PDZD2: variants seen among roughly 807,000 people sequenced by gnomAD.
PDZD2 encodes PDZ domain-containing protein 2.
Under a neutral mutation model 220.7 loss-of-function variants are expected in PDZD2, and 90 were observed. That is an observed-to-expected ratio of 0.41 (90% CI 0.34 to 0.49). The LOEUF (loss-of-function observed/expected upper bound fraction) is 0.49. PDZD2 is among the 20% of genes least tolerant of loss of function. PDZD2 has a pLI of 0.28. For synonymous variants in PDZD2, 1,375 were observed against 1,450.5 expected (o/e 0.95, Z 1.18); for missense variants, 3,174 against 3,608.5 (o/e 0.88, Z 3.08).
chr5:31,743,875 C>T (rs1258063841), intron 1 of PDZD2: 1 of 152,176 alleles, frequency 6.6e-6, no homozygotes, highest in African/African-American at 2.4e-5. Flanking sequence ...CAGACAATGA[C>T]TGTGCATTTT....
chr5:31,916,272 C>T (rs1482896547), intron 2 of PDZD2, among the ~76,000 whole-genome samples: 2 of 152,200 alleles, frequency 1.3e-5, no homozygotes, highest in Non-Finnish European at 2.9e-5. Flanking sequence ...TCATCTCCCT[C>T]GGTGTCATTC....
At chr5:31,916,470 T>C (rs2330881) in intron 2 of PDZD2, among the ~76,000 whole-genome samples, 140,677 of 152,368 alleles carry the variant, frequency 0.92, 65,132 homozygotes, top group East Asian at 0.98. Flanking sequence ...TTCATCTTTT[T>C]GTTGCCTCAT....
chr5:31,682,614 C>T (rs1171523509), intron 1 of PDZD2, among the ~76,000 whole-genome samples: 1 of 151,978 alleles, frequency 6.6e-6, no homozygotes, highest in African/African-American at 2.4e-5. Context: ...TTTAATTGAA[C>T]TCTGTTAATT....
At chr5:31,990,124 G>A (rs1751093992) in intron 3 of PDZD2, among the ~76,000 whole-genome samples, 2 of 152,194 alleles carry the variant, frequency 1.3e-5, no homozygotes, top group African/African-American at 4.8e-5. Flanking sequence ...TGCAACTAGC[G>A]CCGGAGTATT....
intron 1 of PDZD2, among the ~76,000 whole-genome samples, chr5:31,714,859 C>A (rs1013213785): frequency 1.3e-5 from 2 of 151,986 alleles, no homozygotes; most frequent in African/African-American, 2.4e-5. Flanking sequence ...GAGATTGAGA[C>A]CATCCTGGTT....
intron 2 of PDZD2, among the ~76,000 whole-genome samples, chr5:31,810,325 C>T (rs566154712): frequency 1.3e-4 from 20 of 149,342 alleles, no homozygotes; most frequent in African/African-American, 4.0e-4. Context: ...TGCAGTGGCG[C>T]GATCTCCGCT....
intron 1 of PDZD2, among the ~76,000 whole-genome samples, chr5:31,677,519 G>A (rs1490239796): frequency 4.3e-5 from 1 of 23,498 alleles, no homozygotes; most frequent in African/African-American, 8.3e-5. Flanking sequence ...GGGAGGCTGA[G>A]GCAGGAGAAT....
At chr5:31,939,181 A>C (rs1026172228) in intron 2 of PDZD2, among the ~76,000 whole-genome samples, 14 of 152,238 alleles carry the variant, frequency 9.2e-5, no homozygotes, top group Non-Finnish European at 1.3e-4. Flanking sequence ...AGGTTGTCAG[A>C]GCTGGGAGGG....
chr5:31,869,251 G>A (rs1580944235), intron 2 of PDZD2, among the ~76,000 whole-genome samples: 1 of 152,188 alleles, frequency 6.6e-6, no homozygotes, highest in African/African-American at 2.4e-5. Context: ...AACCTGTGCT[G>A]TCTGTAGGTA....
rs1488213994 is a variant in PDZD2, at chr5:31,707,334, A to T, written c.-361+67897A>T. Among the ~76,000 whole-genome samples the T allele has an allele frequency of 1.3e-4, 19 of 151,312 alleles. 1 individual carries two copies. The highest frequency in any genetic ancestry group is 1.5e-4 in the Non-Finnish European group (10 of 67,834). On this transcript the variant is annotated intron_variant, in intron 1 of 24. Transcript: ENST00000438447. ...ATTAATTAATTAATTAATTAATTAA[A>T]TAAAAAATAAAAAAGGACTGGTGTC...
At chr5:31,924,272 C>T (rs1744544731) in intron 2 of PDZD2, among the ~76,000 whole-genome samples, 1 of 152,184 alleles carries the variant, frequency 6.6e-6, no homozygotes, top group Admixed American at 6.5e-5. Flanking sequence ...TTCCGCAAGC[C>T]TGCCATTTGG....
chr5:31,817,320 C>G (rs1755528187), intron 2 of PDZD2, among the ~76,000 whole-genome samples: 1 of 151,710 alleles, frequency 6.6e-6, no homozygotes, highest in South Asian at 2.1e-4. Flanking sequence ...GTGGTGAAAC[C>G]CTGTCTCTAC....
chr5:31,850,558 A>T (rs1289419297), intron 2 of PDZD2, among the ~76,000 whole-genome samples: 1 of 151,794 alleles, frequency 6.6e-6, no homozygotes, highest in Non-Finnish European at 1.5e-5. Flanking sequence ...GCACAGTGTT[A>T]TCAGATGAGA....
chr5:32,028,469 C>G (rs919087563), intron 6 of PDZD2, among the ~76,000 whole-genome samples: 9 of 152,042 alleles, frequency 5.9e-5, no homozygotes, highest in African/African-American at 9.7e-5. Context: ...TTCAGAGGTT[C>G]TGCAATGATA....
intron 2 of PDZD2, among the ~76,000 whole-genome samples, chr5:31,868,881 T>C (rs1271826152): frequency 6.6e-6 from 1 of 152,178 alleles, no homozygotes; most frequent in African/African-American, 2.4e-5. Context: ...AAGCAGATTT[T>C]CCTGCCTCAG....
At chr5:31,776,630 A>T (rs1242824603) in intron 1 of PDZD2, among the ~76,000 whole-genome samples, 1 of 45,366 alleles carries the variant, frequency 2.2e-5, no homozygotes, top group East Asian at 2.3e-4. Flanking sequence ...TTTTTATTTT[A>T]TTTATTTATT....
intron 1 of PDZD2, among the ~76,000 whole-genome samples, chr5:31,706,923 C>G (rs529608875): frequency 2.6e-5 from 4 of 152,070 alleles, no homozygotes; most frequent in South Asian, 4.2e-4. Context: ...ATACCTGCCC[C>G]TCTACAAATT....
chr5:31,903,644 C>CAAAAAAAAAAAA (rs59822169), intron 2 of PDZD2, among the ~76,000 whole-genome samples: 1 of 99,698 alleles, frequency 1.0e-5, no homozygotes, highest in African/African-American at 3.7e-5. Context: ...GACCCTGTCT[C>CAAAAAAAAAAAA]AAAAAAAAAA....
At chr5:31,888,298 T>C (rs1292196771) in intron 2 of PDZD2, among the ~76,000 whole-genome samples, 1 of 152,192 alleles carries the variant, frequency 6.6e-6, no homozygotes, top group Non-Finnish European at 1.5e-5. Context: ...GTTCAAGTAA[T>C]TCTCCTGCCT....
Sources: allele counts gnomAD v4.1 joint callset (sites outside exome capture counted in the v4.1 genomes callset), GRCh38; gene constraint gnomAD v4.1.1; transcripts MANE v1.5; gene names NCBI Gene and HGNC (gene_info 2026-07-23, HGNC 2026-07-21).